Variants in MAL2 observed in about 807,000 individuals in gnomAD.
MAL2 encodes the protein mal, T cell differentiation protein 2, also known as protein MAL2.
A neutral mutation model predicts 18.1 loss-of-function variants in MAL2; 17 were observed. The ratio of observed to expected loss-of-function variants is 0.94; its 90% CI spans 0.64 to 1.41. The LOEUF is 1.41. MAL2 is among the 40% of genes most tolerant of loss of function. MAL2 has a pLI of 0.00. For synonymous variants in MAL2, 102 were observed against 102.3 expected, an observed-to-expected ratio of 1.00 and a Z score of 0.02; for missense variants, 222 against 231.9, an observed-to-expected ratio of 0.96 and a Z score of 0.28.
rs1175153492 is a variant in MAL2 at position 119,208,368 on chromosome 8, C to T, written c.-105C>T. The stretch of plus-strand genomic sequence containing the variant: ...CACGCCTCCTCCCGCGCGGCGCGCC[C>T]GGAGCCCGCGGAGCTGAGCGGCGGC... On this transcript the variant is annotated 5_prime_UTR_variant, in exon 1 of 4. Transcript: ENST00000614891. This position sits in a 1 kb window ranked among gnomAD's most constrained non-coding sequence, Gnocchi z 4.3. 3 of 584,814 alleles carry T rather than the reference C, an allele frequency of 5.1e-6. No individual in the cohort carries two copies. Among genetic ancestry groups the T allele is most frequent in the Non-Finnish European group, 6.5e-6 (3 of 463,770 alleles). The allele number at this position is 584,814 out of a possible 1,614,324, so 36.2% of individuals were successfully genotyped here. A position where few individuals can be genotyped will look rare whatever the true frequency, so the allele number is the denominator to read the frequency against.
intron 2 of MAL2, among the ~76,000 whole-genome samples, chr8:119,228,070 A>C (rs1269516707): frequency 6.6e-6 from 1 of 152,176 alleles, no homozygotes; most frequent in Admixed American, 6.5e-5. Context: ...AGGTCTACAT[A>C]TAATTCCTTT....
At chr8:119,242,582 A>T (rs1437922259) in intron 3 of MAL2, among the ~76,000 whole-genome samples, 1 of 152,190 alleles carries the variant, frequency 6.6e-6, no homozygotes, top group Admixed American at 6.6e-5. Context: ...CAATGTCTAG[A>T]TTAGAAATGT....
At chr8:119,239,493 C>G (rs927017963) in intron 2 of MAL2, among the ~76,000 whole-genome samples, 2 of 152,004 alleles carry the variant, frequency 1.3e-5, no homozygotes, top group Non-Finnish European at 2.9e-5. Flanking sequence ...CGGCATTATT[C>G]ACAGTAGCAA....
rs1376463110 is a variant in MAL2 at position 119,228,358 on chromosome 8, CAT to C, written c.303+6603_303+6604del. ...AACCTAGAGCTGTGGGAACATAAAT[CAT>C]AAAGGATTTCATCAGGTTATTAGAA... On this transcript the variant is annotated intron_variant, in intron 2 of 3. Coordinates refer to ENST00000614891, the MANE Select transcript of MAL2 (RefSeq NM_052886.3). Among the ~76,000 whole-genome samples the C allele has an allele frequency of 3.9e-5, 6 of 152,270 alleles. No individual in the cohort carries two copies. In the East Asian group the frequency reaches 1.2e-3, roughly 29 times the overall value.
intron 1 of MAL2, among the ~76,000 whole-genome samples, chr8:119,214,578 A>G (rs1817317987): frequency 1.3e-5 from 2 of 152,230 alleles, no homozygotes; most frequent in Non-Finnish European, 2.9e-5. Context: ...GGGAATTTTC[A>G]AAATCGAGAG....
chr8:119,216,232 G>C (rs1299965751), intron 1 of MAL2, among the ~76,000 whole-genome samples: 1 of 152,034 alleles, frequency 6.6e-6, no homozygotes, highest in African/African-American at 2.4e-5. Context: ...AATTTTATAT[G>C]ATTTTAGGAA....
At chr8:119,242,496 C>A (rs990548613) in intron 3 of MAL2, among the ~76,000 whole-genome samples, 4 of 152,142 alleles carry the variant, frequency 2.6e-5, no homozygotes, top group African/African-American at 4.8e-5. Flanking sequence ...AGGAAAATTC[C>A]TTTTCCCTAA....
intron 2 of MAL2, among the ~76,000 whole-genome samples, chr8:119,232,194 T>G (rs969586236): frequency 6.6e-6 from 1 of 152,044 alleles, no homozygotes; most frequent in Non-Finnish European, 1.5e-5. Context: ...TTTAAAAACA[T>G]GTACACGATA....
rs181135952 is a variant in MAL2 at position 119,228,100 on chromosome 8, C to T, written c.303+6343C>T. On this transcript the variant is annotated intron_variant, in intron 2 of 3. Coordinates refer to ENST00000614891, the MANE Select transcript of MAL2 (RefSeq NM_052886.3). Reference sequence around the variant, plus strand: ...TCCTTTCGCCCTCTTATGGCACATACACGAGGGCAATACATGCTCCTTACT... The same window carrying T: ...TCCTTTCGCCCTCTTATGGCACATATACGAGGGCAATACATGCTCCTTACT... Among the ~76,000 whole-genome samples, 404 of 152,288 alleles carry T rather than the reference C, an allele frequency of 2.7e-3. 2 individuals carry two copies. Among genetic ancestry groups the T allele is most frequent in the Admixed American group, 7.0e-3 (107 of 15,300 alleles).
intron 2 of MAL2, among the ~76,000 whole-genome samples, chr8:119,222,533 A>G (rs1032667273): frequency 2.0e-5 from 3 of 151,954 alleles, no homozygotes; most frequent in East Asian, 1.9e-4. Context: ...AAAAAAAAAA[A>G]AAAAGAATTT....
chr8:119,229,744 G>C (rs1380736753), intron 2 of MAL2, among the ~76,000 whole-genome samples: 1 of 152,162 alleles, frequency 6.6e-6, no homozygotes, highest in Non-Finnish European at 1.5e-5. Context: ...ATACAATACA[G>C]CTGCTGTCCC....
chr8:119,211,623 C>G, intron 1 of MAL2, among the ~76,000 whole-genome samples: 1 of 151,684 alleles, frequency 6.6e-6, no homozygotes, highest in East Asian at 1.9e-4. Context: ...TAGTGCCAGC[C>G]TACGAGCACC....
At chr8:119,232,704 G>A (rs1012476505) in intron 2 of MAL2, among the ~76,000 whole-genome samples, 10 of 152,090 alleles carry the variant, frequency 6.6e-5, no homozygotes, top group Non-Finnish European at 1.5e-4. Flanking sequence ...ATTACATAAT[G>A]TGTATGAATA....
At chr8:119,230,189 A>G (rs1368018729) in intron 2 of MAL2, among the ~76,000 whole-genome samples, 1 of 152,230 alleles carries the variant, frequency 6.6e-6, no homozygotes, top group Non-Finnish European at 1.5e-5. Flanking sequence ...AGGAACCTCC[A>G]GTGATTTTCA....
intron 1 of MAL2, among the ~76,000 whole-genome samples, chr8:119,216,118 A>G (rs1400273208): frequency 1.3e-5 from 2 of 152,194 alleles, no homozygotes; most frequent in Non-Finnish European, 2.9e-5. Flanking sequence ...ACAAGTAGAT[A>G]AAGTGTTCTG....
intron 1 of MAL2, among the ~76,000 whole-genome samples, chr8:119,219,938 G>A (rs1258536279): frequency 1.3e-5 from 2 of 152,174 alleles, no homozygotes; most frequent in African/African-American, 4.8e-5. Context: ...GTACACATAG[G>A]GAGGGAATGA....
chr8:119,222,199 C>T (rs1377109251), intron 2 of MAL2, among the ~76,000 whole-genome samples: 4 of 151,604 alleles, frequency 2.6e-5, no homozygotes, highest in African/African-American at 2.4e-5. Flanking sequence ...TGATAATAAA[C>T]GTCTGTCCCA....
intron 1 of MAL2, among the ~76,000 whole-genome samples, chr8:119,210,602 G>A (rs1057135061): frequency 8.5e-5 from 13 of 152,150 alleles, no homozygotes; most frequent in African/African-American, 3.1e-4. Flanking sequence ...TCAGAGCCTA[G>A]AGAAGACAGC....
At chr8:119,213,666 A>G (rs1817299680) in intron 1 of MAL2, among the ~76,000 whole-genome samples, 1 of 152,102 alleles carries the variant, frequency 6.6e-6, no homozygotes, top group South Asian at 2.1e-4. Context: ...CTAAAAATAC[A>G]AAATTAGCCA....
Sources: gnomAD v4.1 joint callset for allele counts (sites outside exome capture counted in the v4.1 genomes callset) on GRCh38, gnomAD v4.1.1 for gene constraint, Gnocchi (gnomAD v3.1) non-coding constraint, MANE v1.5 for transcripts, NCBI Gene and HGNC (gene_info 2026-07-23, HGNC 2026-07-21) for gene names.